Variants in ACSS2 observed in about 807,000 individuals in gnomAD.
The protein encoded by ACSS2 is acetyl-coenzyme A synthetase, cytoplasmic.
Under a neutral mutation model 90.6 loss-of-function variants are expected in ACSS2, and 58 were observed. The observed-to-expected ratio is 0.64, with a 90% CI of 0.52 to 0.80. The LOEUF is 0.80. ACSS2 is among the 30% of genes least tolerant of loss of function. The pLI, the probability that ACSS2 is intolerant of heterozygous loss-of-function variation, is 0.00. For missense variants in ACSS2, 759 were observed against 912.0 expected, an observed-to-expected ratio of 0.83 and a Z score of 2.16; for synonymous variants, 300 against 330.9, an observed-to-expected ratio of 0.91 and a Z score of 1.01.
rs111756078 is a variant in ACSS2, at chr20:34,899,382, T to C, written c.375-13714T>C. Among the ~76,000 whole-genome samples the C allele has an allele frequency of 5.6e-3, 799 of 142,642 alleles. 2 individuals carry two copies. The highest frequency in any genetic ancestry group is 8.3e-3 in the Non-Finnish European group (554 of 66,790). The allele number at this position is 142,642 out of a possible 152,430, so 93.6% of individuals were successfully genotyped here. A position where few individuals can be genotyped will look rare whatever the true frequency, so the allele number is the denominator to read the frequency against. On this transcript the variant is annotated intron_variant, in intron 2 of 17. Transcript: ENST00000360596. ...GTCACCTCTCAACGTTATCACATTT[T>C]TTTCTTTCTTTCTTTCTTTCCTTCT...
At chr20:34,906,873 C>T (rs950998351) in intron 2 of ACSS2, among the ~76,000 whole-genome samples, 2 of 150,856 alleles carry the variant, frequency 1.3e-5, no homozygotes, top group Admixed American at 6.6e-5. Flanking sequence ...ATCCCAACTA[C>T]CTGGGAGGCT....
At chr20:34,883,457 T>G (rs1322720714) in intron 2 of ACSS2, among the ~76,000 whole-genome samples, 3 of 152,196 alleles carry the variant, frequency 2.0e-5, no homozygotes, top group Non-Finnish European at 4.4e-5. Flanking sequence ...TTTACATAGG[T>G]GAAAACTGAA....
In ACSS2 at chr20:34,919,306, T is replaced by C. The variant is rs566514016; in HGVS notation, c.835-129T>C. Reference sequence around the variant, plus strand: ...TGTTCTTTCTGTTCCATTCCATCCTTGAAGGGCCTTCTCTCCCTTCCTGTA... The same window carrying C: ...TGTTCTTTCTGTTCCATTCCATCCTCGAAGGGCCTTCTCTCCCTTCCTGTA... On this transcript the variant is annotated intron_variant, in intron 7 of 17. Coordinates refer to ENST00000360596, the MANE Select transcript of ACSS2 (RefSeq NM_018677.4). 1,243 of 1,408,406 alleles carry C rather than the reference T, an allele frequency of 8.8e-4. 1 individual carries two copies. The highest frequency in any genetic ancestry group is 2.2e-3 in the Admixed American group (116 of 51,668). The allele number at this position is 1,408,406 out of a possible 1,614,324, so 87.2% of individuals were successfully genotyped here. A position where few individuals can be genotyped will look rare whatever the true frequency, so the allele number is the denominator to read the frequency against.
At position 34,895,810 on chromosome 20, in the gene ACSS2, T is replaced by C. The variant is rs1010051565; in HGVS notation, c.374+12821T>C. Among the ~76,000 whole-genome samples the C allele has an allele frequency of 2.0e-5, 3 of 152,202 alleles. No homozygotes were observed. In the East Asian group the frequency reaches 5.8e-4, roughly 29 times the overall value. On this transcript the variant is annotated intron_variant, in intron 2 of 17. Coordinates refer to ENST00000360596, the MANE Select transcript of ACSS2 (RefSeq NM_018677.4). ...AAGTTGAGGATCTAGACATTTATTCTCTTCATATTTTTCTGTGCAGGTACT... is the reference window on the plus strand; with the variant it reads ...AAGTTGAGGATCTAGACATTTATTCCCTTCATATTTTTCTGTGCAGGTACT...
At chr20:34,904,286 C>T (rs1167130303) in intron 2 of ACSS2, among the ~76,000 whole-genome samples, 1 of 150,942 alleles carries the variant, frequency 6.6e-6, no homozygotes, top group African/African-American at 2.4e-5. Flanking sequence ...GAGAAGCCAA[C>T]ATTTGAGCAA....
chr20:34,902,114 A>G (rs1366859048), intron 2 of ACSS2, among the ~76,000 whole-genome samples: 1 of 151,784 alleles, frequency 6.6e-6, no homozygotes, highest in African/African-American at 2.4e-5. Flanking sequence ...CCCCATAATG[A>G]TCCTTTAGAT....
At chr20:34,881,575 C>A (rs1210127087) in intron 1 of ACSS2, among the ~76,000 whole-genome samples, 4 of 152,154 alleles carry the variant, frequency 2.6e-5, no homozygotes, top group Non-Finnish European at 5.9e-5. Flanking sequence ...TCCTGCTATT[C>A]TTTCCCTTAT....
At position 34,913,556 on chromosome 20, in the gene ACSS2, T is replaced by G. The variant is rs1017897115; in HGVS notation, c.570+60T>G. 7.2e-5 allele frequency: 110 copies of G among 1,527,452 alleles called. 2 individuals are homozygous for G. Among genetic ancestry groups the G allele is most frequent in the South Asian group, 5.6e-4 (48 of 86,452 alleles). 94.6% of individuals were successfully genotyped at this position (1,527,452 alleles called of 1,614,324 possible). On this transcript the variant is annotated intron_variant, in intron 4 of 17. Coordinates refer to ENST00000360596, the MANE Select transcript of ACSS2 (RefSeq NM_018677.4). ...GGGGGTGGGGCTCTGGAGAAGTAGG[T>G]TGGGCCTAGATGATGGAGGGTCTTA... is the stretch of plus-strand genomic sequence containing the variant.
At chr20:34,923,223 C>A in intron 13 of ACSS2, 100 bp from the exon 14 acceptor site, 1 of 867,572 alleles carries the variant, frequency 1.2e-6, no homozygotes, top group Non-Finnish European at 1.9e-6. Context: ...AAAGCCTGTA[C>A]TTCATTCAGG....
Position 34,921,419 on chromosome 20 carries a change from C to A in ACSS2, c.1367C>A (p.Ala456Asp). The change falls in exon 11 of 18, where the codon GCC becomes GAC. Residue 456 changes from alanine to aspartate, a missense_variant. Physicochemically the swap from Ala to Asp is moderately radical, Grantham distance 126. Coordinates refer to ENST00000360596, the MANE Select transcript of ACSS2 (RefSeq NM_018677.4). ...CTATGGTACCACCGGGTGGTAGGTGCCCAGCGCTGCCCCATCGTGGACACC... is the reference window on the plus strand; with the variant it reads ...CTATGGTACCACCGGGTGGTAGGTGACCAGCGCTGCCCCATCGTGGACACC... ...AWLWYHRVVG[A>D]QRCPIVDTFW... 2 of 1,614,162 alleles carry A rather than the reference C, an allele frequency of 1.2e-6. No homozygotes were observed. Among genetic ancestry groups the A allele is most frequent in the Non-Finnish European group, 8.5e-7 (1 of 1,180,008 alleles).
chr20:34,899,426 CCTTCCTTCCT>C (rs1323764287), intron 2 of ACSS2, among the ~76,000 whole-genome samples: 8 of 120,178 alleles, frequency 6.7e-5, no homozygotes, highest in South Asian at 2.7e-4. Context: ...TTCTTTCTTT[CCTTCCTTCCT>C]TCCTTCCTTC....
chr20:34,878,926 A>T (rs2079993578), intron 1 of ACSS2, among the ~76,000 whole-genome samples: 4 of 125,030 alleles, frequency 3.2e-5, no homozygotes, highest in Admixed American at 1.9e-4. Flanking sequence ...TTTTTTTGAG[A>T]CGGAGTCTCG....
At chr20:34,914,244 C>T in intron 6 of ACSS2, 73 bp downstream of exon 6, 1 of 1,603,686 alleles carries the variant, frequency 6.2e-7, no homozygotes, top group Non-Finnish European at 8.5e-7. Flanking sequence ...TCCCCTCTAC[C>T]CTAAATGGAC....
chr20:34,880,232 A>G (rs1057496553), intron 1 of ACSS2, among the ~76,000 whole-genome samples: 10 of 152,192 alleles, frequency 6.6e-5, no homozygotes, highest in African/African-American at 2.4e-4. Flanking sequence ...TAGTTGAGAT[A>G]GCAGAGAAAA....
intron 2 of ACSS2, among the ~76,000 whole-genome samples, chr20:34,898,445 G>T (rs2080523369): frequency 6.6e-6 from 1 of 152,164 alleles, no homozygotes; most frequent in South Asian, 2.1e-4. Context: ...AGAGTAGCTA[G>T]ATACAGAGTG....
intron 2 of ACSS2, among the ~76,000 whole-genome samples, chr20:34,901,826 C>T (rs1409245727): frequency 6.6e-6 from 1 of 152,134 alleles, no homozygotes; most frequent in East Asian, 1.9e-4. Context: ...CCTGAACAAT[C>T]CTGTGCTGCA....
chr20:34,909,194 C>CAAA (rs759144830), intron 2 of ACSS2, among the ~76,000 whole-genome samples: 8 of 45,076 alleles, frequency 1.8e-4, no homozygotes, highest in Admixed American at 2.4e-4. Flanking sequence ...CCTGTCTTTG[C>CAAA]AAAAAAAAAA....
chr20:34,894,475 G>A (rs2080415388), intron 2 of ACSS2, among the ~76,000 whole-genome samples: 1 of 151,928 alleles, frequency 6.6e-6, no homozygotes, highest in Non-Finnish European at 1.5e-5. Flanking sequence ...GGGTGACAGA[G>A]TGAGACTCTG....
At chr20:34,924,958 G>A (rs989847178) in intron 14 of ACSS2, among the ~76,000 whole-genome samples, 13 of 152,228 alleles carry the variant, frequency 8.5e-5, no homozygotes, top group African/African-American at 2.4e-4. Context: ...CCAAAGTGCT[G>A]GGATTACAGG....
Sources: gnomAD v4.1 joint callset for allele counts (sites outside exome capture counted in the v4.1 genomes callset) on GRCh38, gnomAD v4.1.1 for gene constraint, MANE v1.5 for transcripts, NCBI Gene and HGNC (gene_info 2026-07-23, HGNC 2026-07-21) for gene names.